PLEKHG1: variants seen among roughly 807,000 people sequenced by gnomAD.
PLEKHG1 encodes pleckstrin homology domain-containing family G member 1.
PLEKHG1 carries 44 observed loss-of-function variants against 100.8 expected under a neutral mutation model. That is an observed-to-expected ratio of 0.44 (90% CI 0.34 to 0.56). The LOEUF is 0.56. Ranked by LOEUF, PLEKHG1 falls within the 20% of genes least tolerant of loss-of-function variation. The probability of loss-of-function intolerance (pLI) is 0.01; values close to 1 mark genes in which losing one functional copy is unlikely to be tolerated. For missense variants in PLEKHG1, 1,545 were observed against 1,720.9 expected (o/e 0.90, Z 1.81); for synonymous variants, 640 against 662.5 (o/e 0.97, Z 0.52).
intron 3 of PLEKHG1, among the ~76,000 whole-genome samples, chr6:150,678,437 A>T (rs1779834614): frequency 6.6e-6 from 1 of 152,154 alleles, no homozygotes; most frequent in Admixed American, 6.5e-5. Flanking sequence ...ATAAGCAGGA[A>T]TTGTTTCACT....
chr6:150,679,709 A>G (rs77544036), intron 3 of PLEKHG1, among the ~76,000 whole-genome samples: 85 of 152,334 alleles, frequency 5.6e-4, no homozygotes, highest in African/African-American at 2.0e-3. Context: ...TGATGCAGGC[A>G]AAAAAACACA....
At chr6:150,842,568 C>G (rs1447490938) in exon 16 of PLEKHG1, 1 of 152,180 alleles carries the variant, frequency 6.6e-6, no homozygotes, top group Non-Finnish European at 1.5e-5. Flanking sequence ...GTATTCTTCT[C>G]ATAGCTTATA....
chr6:150,644,272 T>C (rs906134326), intron 2 of PLEKHG1, among the ~76,000 whole-genome samples: 4 of 150,026 alleles, frequency 2.7e-5, no homozygotes, highest in African/African-American at 7.4e-5. Context: ...AAAGAACTAA[T>C]AAAGTCAATA....
At chr6:150,751,860 G>A (rs1562487229) in intron 2 of PLEKHG1, among the ~76,000 whole-genome samples, 1 of 152,304 alleles carries the variant, frequency 6.6e-6, no homozygotes, top group East Asian at 1.9e-4. Context: ...TAAATAGCAA[G>A]GGAAATTTGT....
intron 2 of PLEKHG1, among the ~76,000 whole-genome samples, chr6:150,736,013 A>G (rs1782541013): frequency 6.6e-6 from 1 of 152,226 alleles, no homozygotes; most frequent in Admixed American, 6.5e-5. Flanking sequence ...TCATGAATCA[A>G]CTGTGTTTTA....
chr6:150,733,920 A>T (rs1302614827), exon 2 of PLEKHG1: 3 of 1,614,084 alleles, frequency 1.9e-6, no homozygotes, highest in African/African-American at 2.7e-5. Context: ...CAGAACGCGG[A>T]TGAGGGCAGC....
intron 13 of PLEKHG1, among the ~76,000 whole-genome samples, chr6:150,822,571 A>G (rs749856656): frequency 1.3e-5 from 2 of 152,254 alleles, no homozygotes; most frequent in Non-Finnish European, 2.9e-5. Context: ...ATACATCCAT[A>G]CACACAATGG....
At chr6:150,761,886 C>T (rs1053048055) in intron 2 of PLEKHG1, among the ~76,000 whole-genome samples, 7 of 152,114 alleles carry the variant, frequency 4.6e-5, no homozygotes, top group Non-Finnish European at 1.5e-5. Context: ...CCAGCTGGCC[C>T]ATCTCCTCAC....
At position 150,731,973 on chromosome 6, in the gene PLEKHG1, T is replaced by TG. The variant is rs1360491994; in HGVS notation, c.-98-1611_-98-1610insG. The stretch of plus-strand genomic sequence containing the variant: ...TGGGTATTAAGTGACTTTTTTTTTT[T>TG]TTTTTTGAGACGGACTCTCTCTCTG... On this transcript the variant is annotated intron_variant, in intron 1 of 15. Coordinates refer to ENST00000358517, the Ensembl canonical transcript of PLEKHG1. 5.1e-3 allele frequency among the ~76,000 whole-genome samples: 715 copies of TG among 139,894 alleles called. 5 individuals carry two copies. The highest frequency in any genetic ancestry group is 0.021 in the African/African-American group (686 of 33,072). 91.8% of individuals were successfully genotyped at this position (139,894 alleles called of 152,430 possible).
In PLEKHG1 at chr6:150,683,216, G is replaced by T. The variant is rs990719698; in HGVS notation, c.-99+32430G>T. On this transcript the variant is annotated intron_variant, in intron 3 of 3. Transcript: ENST00000367326. The surrounding 1 kb of genome is among the most constrained non-coding windows in gnomAD (Gnocchi z 4.0). ...AGTATTTATATTTATGAAATTTAGAGAATAGTTGTCAACTCGTCATGATAG... is the reference window on the plus strand; with the variant it reads ...AGTATTTATATTTATGAAATTTAGATAATAGTTGTCAACTCGTCATGATAG... 6.6e-6 allele frequency among the ~76,000 whole-genome samples: 1 copy of T among 152,214 alleles called. No individual in the cohort carries two copies. The highest frequency in any genetic ancestry group is 6.5e-5 in the Admixed American group (1 of 15,282).
intron 1 of PLEKHG1, among the ~76,000 whole-genome samples, chr6:150,630,143 T>C (rs1418660474): frequency 6.6e-6 from 1 of 152,206 alleles, no homozygotes; most frequent in African/African-American, 2.4e-5. Flanking sequence ...GGCCAGTACA[T>C]GGAAAGAATG....
At chr6:150,827,083 G>A (rs1483276815) in intron 14 of PLEKHG1, among the ~76,000 whole-genome samples, 1 of 146,754 alleles carries the variant, frequency 6.8e-6, no homozygotes, top group Non-Finnish European at 1.5e-5. Flanking sequence ...TGTAGAGATG[G>A]GGTGTCTCAC....
At chr6:150,609,031 A>G (rs1323919713) in intron 1 of PLEKHG1, among the ~76,000 whole-genome samples, 1 of 152,212 alleles carries the variant, frequency 6.6e-6, no homozygotes, top group Non-Finnish European at 1.5e-5. Context: ...CATGAAAATA[A>G]CTGGGGAAAA....
chr6:150,803,916 C>T (rs1562532001), intron 6 of PLEKHG1, among the ~76,000 whole-genome samples: 1 of 151,690 alleles, frequency 6.6e-6, no homozygotes, highest in Admixed American at 6.6e-5. Flanking sequence ...ACATTGGCCA[C>T]CAGGAAGCTC....
At chr6:150,765,905 G>A (rs1040373212) in intron 2 of PLEKHG1, among the ~76,000 whole-genome samples, 1 of 152,160 alleles carries the variant, frequency 6.6e-6, no homozygotes, top group Non-Finnish European at 1.5e-5. Flanking sequence ...TAGATCAGCA[G>A]CAAACAGTTT....
intron 7 of PLEKHG1, among the ~76,000 whole-genome samples, chr6:150,806,026 C>T (rs1787067831): frequency 6.6e-6 from 1 of 152,096 alleles, no homozygotes; most frequent in Non-Finnish European, 1.5e-5. Context: ...CTGGCTGTCC[C>T]TAGAGTGAGA....
At chr6:150,674,494 T>A (rs1212687406) in intron 3 of PLEKHG1, among the ~76,000 whole-genome samples, 1 of 152,166 alleles carries the variant, frequency 6.6e-6, no homozygotes, top group Non-Finnish European at 1.5e-5. Context: ...TATATCCACC[T>A]AAATGAAGAG....
chr6:150,792,251 G>A (rs1786026299), intron 4 of PLEKHG1, among the ~76,000 whole-genome samples: 1 of 151,936 alleles, frequency 6.6e-6, no homozygotes, highest in Non-Finnish European at 1.5e-5. Context: ...CAGCTACTTG[G>A]GAGGCTGAGG....
rs71554473 is a variant in PLEKHG1, at chr6:150,641,876, CAAAAAAAAAAA to C, written c.-158+3764_-158+3774del. On this transcript the variant is annotated intron_variant, in intron 2 of 3. Transcript: ENST00000367326. ...GTTTTACTTGACTGATGTGAAAAGG[CAAAAAAAAAAA>C]AAAAAAAAAAAAGCAAAAGGAAATT... Among the ~76,000 whole-genome samples the C allele has an allele frequency of 6.5e-5, 5 of 76,798 alleles. No individual in the cohort carries two copies. The East Asian group carries it at 1.8e-3, about 27-fold the overall frequency. The allele number at this position is 76,798 out of a possible 152,430, so 50.4% of individuals were successfully genotyped here. A position where few individuals can be genotyped will look rare whatever the true frequency, so the allele number is the denominator to read the frequency against.
Sources: gnomAD v4.1 joint callset for allele counts (sites outside exome capture counted in the v4.1 genomes callset) on GRCh38, gnomAD v4.1.1 for gene constraint, Gnocchi (gnomAD v3.1) non-coding constraint, MANE v1.5 for transcripts, NCBI Gene and HGNC (gene_info 2026-07-23, HGNC 2026-07-21) for gene names.